The following UGGT1 variants were observed in gnomAD, a reference collection of about 807,000 sequenced individuals.
The protein encoded by UGGT1 is UDP-glucose:glycoprotein glucosyltransferase 1.
A neutral mutation model predicts 203.9 loss-of-function variants in UGGT1; 107 were observed. The ratio of observed to expected loss-of-function variants is 0.52; its 90% CI spans 0.45 to 0.62. The LOEUF is 0.62. Among genes scored for constraint, UGGT1 ranks in the 20% least tolerant of loss-of-function variants. UGGT1 has a pLI of 0.00. For synonymous variants in UGGT1, 628 were observed against 653.5 expected (o/e 0.96, Z 0.59); for missense variants, 1,673 against 1,867.2 (o/e 0.90, Z 1.92).
chr2:128,191,030 G>A lies in UGGT1; in HGVS notation c.*1288G>A, dbSNP rs1692238420. The A allele has an allele frequency of 6.6e-6, 1 of 152,242 alleles. No homozygotes were observed. Among genetic ancestry groups the A allele is most frequent in the African/African-American group, 2.4e-5 (1 of 41,452 alleles). The allele number at this position is 152,242 out of a possible 1,614,324, so 9.4% of individuals were successfully genotyped here. ...CTGTAGAGTCTTGAGTATGTTATTGGCCTAAGTGGGCATGAGGCCCCAGCA... is the reference window on the plus strand; with the variant it reads ...CTGTAGAGTCTTGAGTATGTTATTGACCTAAGTGGGCATGAGGCCCCAGCA... On this transcript the variant is annotated 3_prime_UTR_variant, in exon 41 of 41. Coordinates refer to ENST00000259253, the MANE Select transcript of UGGT1 (RefSeq NM_020120.4).
chr2:128,187,052 T>C (rs1042226782), intron 39 of UGGT1, among the ~76,000 whole-genome samples: 2 of 152,182 alleles, frequency 1.3e-5, no homozygotes, highest in Non-Finnish European at 2.9e-5. Flanking sequence ...GCTATTCTTA[T>C]AGAATATTCT....
At chr2:128,182,324 G>A (rs771179402) in intron 37 of UGGT1, 34 bp downstream of exon 37, 56 of 1,565,558 alleles carry the variant, frequency 3.6e-5, no homozygotes, top group Non-Finnish European at 4.8e-5. Context: ...CACTGTTACG[G>A]GGTTTTCCTT....
At chr2:128,103,080 T>G (rs1237300060) in intron 2 of UGGT1, 3 of 471,040 alleles carry the variant, frequency 6.4e-6, no homozygotes, top group Non-Finnish European at 1.3e-5. Flanking sequence ...TGTGTCTAGC[T>G]GTGGAGTAGA....
chr2:128,137,409 C>T lies in UGGT1; in HGVS notation c.1584-1308C>T, dbSNP rs576452266. 4.0e-4 allele frequency among the ~76,000 whole-genome samples: 61 copies of T among 152,346 alleles called. 1 individual carries two copies. The highest frequency in any genetic ancestry group is 1.3e-3 in the African/African-American group (53 of 41,576). ...CTGGCCTCGGCAACAGAGCAAGGCC[C>T]TGTTGAAAAACAAACAAGAAGAGTT... On this transcript the variant is annotated intron_variant, in intron 15 of 40. Transcript: ENST00000259253.
chr2:128,145,652 A>AT (rs1023413082), intron 17 of UGGT1, 151 bp from the exon 18 acceptor site: 2 of 786,570 alleles, frequency 2.5e-6, no homozygotes, highest in Non-Finnish European at 3.7e-6. Flanking sequence ...GTCATTTTTC[A>AT]TTTTTTTAAA....
rs1443835458 is a variant in UGGT1, at chr2:128,191,447, G to T, written c.*1705G>T. 2 of 152,202 alleles carry T rather than the reference G, an allele frequency of 1.3e-5. No homozygotes were observed. Among genetic ancestry groups the T allele is most frequent in the African/African-American group, 2.4e-5 (1 of 41,432 alleles). 9.4% of individuals were successfully genotyped at this position (152,202 alleles called of 1,614,324 possible). ...TTAAGAAGAGGAAAGCTCAAAAGAG[G>T]ATAAGAGACTGAAAAGGCACCTCAG... is the stretch of plus-strand genomic sequence containing the variant. On this transcript the variant is annotated 3_prime_UTR_variant, in exon 41 of 41. Transcript: ENST00000259253.
At chr2:128,153,778 A>G (rs1690095732) in intron 19 of UGGT1, among the ~76,000 whole-genome samples, 1 of 152,152 alleles carries the variant, frequency 6.6e-6, no homozygotes, top group Non-Finnish European at 1.5e-5. Context: ...TATAAGAGCC[A>G]AATATGTTAA....
intron 27 of UGGT1, 72 bp from the exon 28 acceptor site, chr2:128,171,133 T>C: frequency 7.4e-7 from 1 of 1,353,516 alleles, no homozygotes; most frequent in Non-Finnish European, 1.0e-6. Flanking sequence ...GAGATATTAA[T>C]AGCTCAGTGT....
chr2:128,149,941 G>A (rs918322472), intron 18 of UGGT1, among the ~76,000 whole-genome samples: 7 of 152,166 alleles, frequency 4.6e-5, no homozygotes, highest in African/African-American at 1.2e-4. Flanking sequence ...CAGCCTGGGC[G>A]ACAAGAGTGA....
chr2:128,142,286 C>G (rs912505378), intron 16 of UGGT1, among the ~76,000 whole-genome samples: 2 of 151,178 alleles, frequency 1.3e-5, no homozygotes, highest in African/African-American at 4.9e-5. Context: ...TGACACTTAA[C>G]AAGACTGAGC....
chr2:128,186,046 A>G (rs1351896359), intron 38 of UGGT1, among the ~76,000 whole-genome samples: 18 of 152,164 alleles, frequency 1.2e-4, no homozygotes, highest in Admixed American at 6.5e-5. Context: ...CCACCACTCT[A>G]TTTAGTTGAC....
chr2:128,178,427 G>A (rs746804819), intron 33 of UGGT1, 41 bp from the exon 34 acceptor site: 3 of 1,522,900 alleles, frequency 2.0e-6, no homozygotes, highest in African/African-American at 1.4e-5. Context: ...GTGTCTGTAT[G>A]AGTGTTTCAA....
chr2:128,129,523 C>G (rs767329184), intron 13 of UGGT1, among the ~76,000 whole-genome samples: 4 of 151,738 alleles, frequency 2.6e-5, no homozygotes, highest in Non-Finnish European at 5.9e-5. Flanking sequence ...CTCAGCCTCC[C>G]GAGTAGCTGG....
At chr2:128,162,241 T>C (rs1311563152) in intron 25 of UGGT1, among the ~76,000 whole-genome samples, 3 of 152,030 alleles carry the variant, frequency 2.0e-5, no homozygotes, top group African/African-American at 4.8e-5. Context: ...CGTTGAGATG[T>C]AGCAGTTCTT....
intron 26 of UGGT1, among the ~76,000 whole-genome samples, chr2:128,169,691 A>C (rs895646181): frequency 6.6e-6 from 1 of 152,218 alleles, no homozygotes; most frequent in African/African-American, 2.4e-5. Flanking sequence ...GGTGAATAGC[A>C]TATTATTTCT....
At chr2:128,129,582 A>G (rs548033316) in intron 13 of UGGT1, among the ~76,000 whole-genome samples, 3 of 152,092 alleles carry the variant, frequency 2.0e-5, no homozygotes, top group South Asian at 2.1e-4. Context: ...TATTTTTAGT[A>G]TAGACGGGGT....
intron 2 of UGGT1, among the ~76,000 whole-genome samples, chr2:128,102,185 C>G (rs1009492386): frequency 6.6e-6 from 1 of 151,872 alleles, no homozygotes; most frequent in African/African-American, 2.4e-5. Flanking sequence ...TCTTGTTGCC[C>G]AGGCTGGAGT....
At chr2:128,158,694 A>G (rs1690368583) in intron 22 of UGGT1, among the ~76,000 whole-genome samples, 1 of 152,226 alleles carries the variant, frequency 6.6e-6, no homozygotes, top group South Asian at 2.1e-4. Context: ...GTACACCCAA[A>G]TATAAATGTC....
At chr2:128,146,479 G>A (rs954646969) in intron 18 of UGGT1, among the ~76,000 whole-genome samples, 5 of 151,984 alleles carry the variant, frequency 3.3e-5, no homozygotes, top group African/African-American at 1.2e-4. Context: ...TTTAAAAATT[G>A]CAGGCAGTTC....
Sources: allele counts gnomAD v4.1 joint callset (sites outside exome capture counted in the v4.1 genomes callset), GRCh38; gene constraint gnomAD v4.1.1; transcripts MANE v1.5; gene names NCBI Gene and HGNC (gene_info 2026-07-23, HGNC 2026-07-21).